Variants in PRKG1 observed in about 807,000 individuals in gnomAD.
PRKG1 encodes cGMP-dependent protein kinase 1.
A neutral mutation model predicts 88.1 loss-of-function variants in PRKG1; 35 were observed. The ratio of observed to expected loss-of-function variants is 0.40; its 90% CI spans 0.30 to 0.53. The LOEUF is 0.53. Ranked by LOEUF, PRKG1 falls within the 20% of genes least tolerant of loss-of-function variation. The pLI is 0.59. For missense variants in PRKG1, 540 were observed against 839.8 expected, an observed-to-expected ratio of 0.64 and a Z score of 4.41; for synonymous variants, 303 against 292.5, an observed-to-expected ratio of 1.04 and a Z score of -0.37.
chr10:51,420,420 C>A (rs1013699628), intron 2 of PRKG1, among the ~76,000 whole-genome samples: 1 of 152,206 alleles, frequency 6.6e-6, no homozygotes, highest in South Asian at 2.1e-4. Flanking sequence ...CCAGTTGATG[C>A]CCAGGATGAC....
intron 2 of PRKG1, among the ~76,000 whole-genome samples, chr10:51,182,283 T>G (rs922326290): frequency 1.3e-5 from 2 of 152,180 alleles, no homozygotes; most frequent in African/African-American, 4.8e-5. Context: ...CCAGAGTTCT[T>G]TTTTGAAATT....
intron 6 of PRKG1, among the ~76,000 whole-genome samples, chr10:52,054,936 A>G (rs1352169577): frequency 2.6e-5 from 4 of 152,112 alleles, no homozygotes; most frequent in Non-Finnish European, 5.9e-5. Flanking sequence ...GGAGTTCAAG[A>G]CCAGCTTAGG....
chr10:51,424,044 T>G (rs903176278), intron 2 of PRKG1, among the ~76,000 whole-genome samples: 1 of 152,144 alleles, frequency 6.6e-6, no homozygotes, highest in African/African-American at 2.4e-5. Context: ...TTTGGACTAT[T>G]ATGGTACCTA....
intron 2 of PRKG1, among the ~76,000 whole-genome samples, chr10:51,337,282 A>T (rs1841899430): frequency 6.6e-6 from 1 of 152,220 alleles, no homozygotes. Flanking sequence ...AAAGACTTAA[A>T]TGTAAAACCA....
chr10:52,192,774 T>A (rs1839398910), intron 9 of PRKG1, among the ~76,000 whole-genome samples: 1 of 152,142 alleles, frequency 6.6e-6, no homozygotes, highest in South Asian at 2.1e-4. Flanking sequence ...TTTGGATGTA[T>A]AACTTAGTTT....
intron 7 of PRKG1, among the ~76,000 whole-genome samples, chr10:52,086,031 A>T (rs1268866568): frequency 1.3e-5 from 2 of 151,874 alleles, no homozygotes; most frequent in Non-Finnish European, 2.9e-5. Context: ...CTTTTGTTTG[A>T]TCATGTTATT....
chr10:52,188,281 T>C (rs200298690), intron 9 of PRKG1, among the ~76,000 whole-genome samples: 12 of 24,974 alleles, frequency 4.8e-4, no homozygotes, highest in African/African-American at 4.9e-4. Context: ...TATATATACA[T>C]ATATATGTGT....
At chr10:52,055,746 A>T (rs1227028472) in intron 6 of PRKG1, among the ~76,000 whole-genome samples, 1 of 152,334 alleles carries the variant, frequency 6.6e-6, no homozygotes, top group Admixed American at 6.5e-5. Flanking sequence ...ATAGAAAGGA[A>T]TTGATAGGCC....
intron 2 of PRKG1, among the ~76,000 whole-genome samples, chr10:51,256,802 G>A (rs1442329349): frequency 2.0e-5 from 3 of 152,036 alleles, no homozygotes; most frequent in Non-Finnish European, 4.4e-5. Context: ...TGAGGGAGAT[G>A]GTAGAGACTG....
At chr10:51,329,971 G>T (rs898378595) in intron 2 of PRKG1, among the ~76,000 whole-genome samples, 3 of 138,582 alleles carry the variant, frequency 2.2e-5, no homozygotes, top group Admixed American at 7.3e-5. Context: ...GGAGACTTTT[G>T]GCCTTGTACT....
intron 2 of PRKG1, among the ~76,000 whole-genome samples, chr10:51,242,200 C>T (rs543419785): frequency 2.0e-5 from 3 of 152,034 alleles, no homozygotes; most frequent in African/African-American, 7.2e-5. Flanking sequence ...GCCCAATAAC[C>T]AAGCGCAAGT....
At chr10:52,081,740 A>G (rs1312082914) in intron 7 of PRKG1, 3 of 451,236 alleles carry the variant, frequency 6.6e-6, no homozygotes, top group African/African-American at 6.0e-5. Flanking sequence ...ACAAGGTGGT[A>G]GGTTGGAGGA....
intron 2 of PRKG1, among the ~76,000 whole-genome samples, chr10:51,281,838 G>A (rs1259876591): frequency 6.6e-6 from 1 of 152,164 alleles, no homozygotes; most frequent in African/African-American, 2.4e-5. Flanking sequence ...TTCTCCTGAG[G>A]GAAGGGGGTA....
At chr10:51,336,366 A>T (rs545249793) in intron 2 of PRKG1, among the ~76,000 whole-genome samples, 1 of 152,204 alleles carries the variant, frequency 6.6e-6, no homozygotes, top group East Asian at 1.9e-4. Context: ...AAATAAATAA[A>T]TAAATAAATA....
chr10:51,206,802 G>A (rs578108469), intron 2 of PRKG1, among the ~76,000 whole-genome samples: 1 of 152,270 alleles, frequency 6.6e-6, no homozygotes, highest in South Asian at 2.1e-4. Context: ...CTTTTTGGCA[G>A]GACTTTACTA....
chr10:52,290,421 A>C, intron 17 of PRKG1, 131 bp downstream of exon 17: 2 of 760,184 alleles, frequency 2.6e-6, no homozygotes, highest in Non-Finnish European at 4.0e-6. Flanking sequence ...ATGTCACATT[A>C]AAATAATGAC....
chr10:51,875,792 G>A (rs760591066), intron 4 of PRKG1, among the ~76,000 whole-genome samples: 28 of 152,270 alleles, frequency 1.8e-4, no homozygotes, highest in African/African-American at 3.4e-4. Flanking sequence ...GGGAAACATC[G>A]TTTTGTATTT....
intron 9 of PRKG1, among the ~76,000 whole-genome samples, chr10:52,245,683 G>A (rs1305644898): frequency 6.6e-6 from 1 of 152,030 alleles, no homozygotes; most frequent in Non-Finnish European, 1.5e-5. Context: ...GTATACTGAA[G>A]AGCAGATGAG....
intron 2 of PRKG1, among the ~76,000 whole-genome samples, chr10:51,421,545 TTCC>T (rs1056074140): frequency 2.0e-5 from 3 of 152,012 alleles, no homozygotes; most frequent in Non-Finnish European, 4.4e-5. Flanking sequence ...CTTTCCCCAG[TTCC>T]TCGTTTTTCT....
Sources: allele counts gnomAD v4.1 joint callset (sites outside exome capture counted in the v4.1 genomes callset), GRCh38; gene constraint gnomAD v4.1.1; transcripts MANE v1.5; gene names NCBI Gene and HGNC (gene_info 2026-07-23, HGNC 2026-07-21).